Variants in ART1 observed in about 807,000 individuals in gnomAD.
ART1 encodes the protein ADP-ribosyltransferase 1.
Under a neutral mutation model 27.0 loss-of-function variants are expected in ART1, and 29 were observed. The ratio of observed to expected loss-of-function variants is 1.08; its 90% CI spans 0.80 to 1.47. The LOEUF is 1.47. ART1 is among the 40% of genes most tolerant of loss of function. The pLI is 0.00. For synonymous variants in ART1, 201 were observed against 172.2 expected (o/e 1.17, Z -1.31); for missense variants, 480 against 423.0 (o/e 1.13, Z -1.18).
chr11:3,659,359 G>A, intron 2 of ART1, 83 bp downstream of exon 2: 1 of 1,587,760 alleles, frequency 6.3e-7, no homozygotes, highest in Non-Finnish European at 8.6e-7. Context: ...GAAAGAGAGA[G>A]AGGAAAGAAT....
chr11:3,660,426 C>CTTCGG, intron 3 of ART1, 63 bp downstream of exon 3: 1 of 1,532,226 alleles, frequency 6.5e-7, no homozygotes, highest in Non-Finnish European at 8.7e-7. Flanking sequence ...CCACCAGGGA[C>CTTCGG]TTTGGCAAAC....
At chr11:3,651,448 A>AT (rs2077521128) in intron 1 of ART1, among the ~76,000 whole-genome samples, 7 of 47,414 alleles carry the variant, frequency 1.5e-4, no homozygotes, top group African/African-American at 2.3e-4. Flanking sequence ...AATCCCTTCC[A>AT]AAACAACTCC....
chr11:3,660,309 A>C lies in ART1; in HGVS notation c.790A>C (p.Ile264Leu). Residue 264 changes from isoleucine to leucine, a missense_variant, in exon 3 of 5, where the codon ATC becomes CTC. Physicochemically the swap from Ile to Leu is conservative, Grantham distance 5. Coordinates refer to ENST00000250693, the MANE Select transcript of ART1 (RefSeq NM_004314.3). ...ASRLAQGPAR[I>L]YLRALGKHST... ...CAGACTGGCCCAGGGCCCCGCCCGC[A>C]TCTACCTCCGAGCCCTGGGCAAGCA... 1 of 1,608,148 alleles carries C rather than the reference A, an allele frequency of 6.2e-7. No homozygotes were observed. The highest frequency in any genetic ancestry group is 8.5e-7 in the Non-Finnish European group (1 of 1,179,958).
intron 3 of ART1, 103 bp from the exon 4 acceptor site, chr11:3,661,269 A>T: frequency 2.8e-6 from 3 of 1,089,754 alleles, no homozygotes; most frequent in Non-Finnish European, 3.9e-6. Flanking sequence ...AAATGCACCA[A>T]CTTCTCCTAG....
At chr11:3,647,785 TATTA>T (rs2077481273) in intron 1 of ART1, among the ~76,000 whole-genome samples, 4 of 151,760 alleles carry the variant, frequency 2.6e-5, no homozygotes, top group Non-Finnish European at 5.9e-5. Context: ...AAATTGTATA[TATTA>T]ATTATGTGCA....
At chr11:3,653,784 C>A (rs1032679873) in intron 1 of ART1, among the ~76,000 whole-genome samples, 4 of 151,206 alleles carry the variant, frequency 2.6e-5, no homozygotes, top group Non-Finnish European at 4.4e-5. Context: ...TAAATTCCAC[C>A]TCCTACCTCT....
intron 1 of ART1, among the ~76,000 whole-genome samples, chr11:3,650,758 C>G (rs995967003): frequency 6.6e-6 from 1 of 151,472 alleles, no homozygotes; most frequent in Non-Finnish European, 1.5e-5. Context: ...TACAGCCACA[C>G]CTCATTGCCA....
At chr11:3,652,538 A>G (rs2077532509) in intron 1 of ART1, among the ~76,000 whole-genome samples, 1 of 152,166 alleles carries the variant, frequency 6.6e-6, no homozygotes, top group Admixed American at 6.5e-5. Context: ...CCTTCTCAGA[A>G]GTCAGACGTG....
intron 1 of ART1, among the ~76,000 whole-genome samples, chr11:3,653,716 T>A (rs2077547826): frequency 6.6e-6 from 1 of 152,152 alleles, no homozygotes; most frequent in Non-Finnish European, 1.5e-5. Context: ...AACCTGGGTG[T>A]CATCCTTGAT....
chr11:3,655,007 A>G (rs999996380), intron 1 of ART1, among the ~76,000 whole-genome samples: 3 of 152,232 alleles, frequency 2.0e-5, no homozygotes, highest in Non-Finnish European at 2.9e-5. Context: ...GTGTGCCACA[A>G]AATCTCAGTG....
At chr11:3,647,582 C>T (rs938274336) in intron 1 of ART1, among the ~76,000 whole-genome samples, 4 of 151,580 alleles carry the variant, frequency 2.6e-5, no homozygotes, top group South Asian at 2.1e-4. Flanking sequence ...TGAAGTGAGC[C>T]GAGATTGCAC....
At chr11:3,651,657 T>C (rs2077522984) in intron 1 of ART1, among the ~76,000 whole-genome samples, 1 of 151,908 alleles carries the variant, frequency 6.6e-6, no homozygotes, top group African/African-American at 2.4e-5. Context: ...TTCACATTTC[T>C]CATAACTTCT....
At position 3,664,143 on chromosome 11, in the gene ART1, G is replaced by T. The variant is rs1190033459; in HGVS notation, c.938G>T (p.Trp313Leu). 6.2e-7 allele frequency: 1 copy of T among 1,614,000 alleles called. No homozygotes were observed. Among genetic ancestry groups the T allele is most frequent in the Non-Finnish European group, 8.5e-7 (1 of 1,180,018 alleles). Residue 313 changes from tryptophan (W) to leucine (L), a missense_variant, in exon 5 of 5, where the codon TGG (tryptophan) becomes TTG (leucine). Coordinates refer to ENST00000250693, the MANE Select transcript of ART1 (RefSeq NM_004314.3). ...GTCTGGTCTTTGCTGCTGCTGCTCT[G>T]GTTCCTCGTGGTGAGGGCCTTTCCA... ...SAVWSLLLLL[W>L]FLVVRAFPDG...
chr11:3,660,443 C>A, intron 3 of ART1, 80 bp downstream of exon 3: 3 of 1,475,480 alleles, frequency 2.0e-6, no homozygotes, highest in Non-Finnish European at 2.7e-6. Context: ...AAACCGAAGC[C>A]CCTATCTCCT....
chr11:3,652,803 C>G (rs1426648114), intron 1 of ART1, among the ~76,000 whole-genome samples: 1 of 151,156 alleles, frequency 6.6e-6, no homozygotes, highest in African/African-American at 2.5e-5. Context: ...GGTGCTATCC[C>G]CAAACTGCCA....
chr11:3,654,979 C>T (rs1047408287), intron 1 of ART1, among the ~76,000 whole-genome samples: 1 of 152,242 alleles, frequency 6.6e-6, no homozygotes, highest in Non-Finnish European at 1.5e-5. Flanking sequence ...TGGGCTTTTG[C>T]TGCATAACTA....
intron 1 of ART1, among the ~76,000 whole-genome samples, chr11:3,655,137 C>T (rs1346149073): frequency 1.3e-5 from 2 of 152,188 alleles, no homozygotes; most frequent in Non-Finnish European, 2.9e-5. Flanking sequence ...TGGGGTCTTC[C>T]TTGCTCTGGG....
chr11:3,655,969 G>A (rs1050803332), intron 1 of ART1, among the ~76,000 whole-genome samples: 2 of 108,478 alleles, frequency 1.8e-5, no homozygotes, highest in South Asian at 5.8e-4. Flanking sequence ...TTTCACTCTT[G>A]TCGCCCAGGC....
Position 3,661,920 on chromosome 11 carries a change from G to A in ART1, c.886+507G>A, listed in dbSNP as rs568506644. Among the ~76,000 whole-genome samples the A allele has an allele frequency of 2.0e-5, 3 of 152,246 alleles. No individual in the cohort carries two copies. In the South Asian group the frequency reaches 6.2e-4, roughly 32 times the overall value. On this transcript the variant is annotated intron_variant, in intron 4 of 4. Coordinates refer to ENST00000250693, the MANE Select transcript of ART1 (RefSeq NM_004314.3). ...TGAGTGTGTGGGAGAGCAGATGGTT[G>A]AGGGAGCAGGGACACCTGCTCTCCA... is the stretch of plus-strand genomic sequence containing the variant.
Sources: allele counts gnomAD v4.1 joint callset (sites outside exome capture counted in the v4.1 genomes callset), GRCh38; gene constraint gnomAD v4.1.1; transcripts MANE v1.5; gene names NCBI Gene and HGNC (gene_info 2026-07-23, HGNC 2026-07-21).